Variants in EPHA6 observed in about 807,000 individuals in gnomAD.
The protein encoded by EPHA6 is EPH receptor A6.
EPHA6 carries 50 observed loss-of-function variants against 112.0 expected under a neutral mutation model. The ratio of observed to expected loss-of-function variants is 0.45; its 90% CI spans 0.36 to 0.56. EPHA6 has a LOEUF of 0.56. Among genes scored for constraint, EPHA6 ranks in the 20% least tolerant of loss-of-function variants. The pLI is 0.00. For missense variants in EPHA6, 1,280 were observed against 1,417.4 expected, an observed-to-expected ratio of 0.90 and a Z score of 1.56; for synonymous variants, 529 against 490.7, an observed-to-expected ratio of 1.08 and a Z score of -1.03.
intron 3 of EPHA6, among the ~76,000 whole-genome samples, chr3:96,998,288 C>A (rs2107891069): frequency 6.6e-6 from 1 of 151,870 alleles, no homozygotes; most frequent in African/African-American, 2.4e-5. Context: ...TTAGTTCTAC[C>A]TTTTAAACAA....
In EPHA6 at chr3:97,320,042, CTCTT is replaced by C. The variant is rs368097794; in HGVS notation, c.1606+75761_1606+75764del. On this transcript the variant is annotated intron_variant, in intron 5 of 17. Transcript: ENST00000389672. Reference sequence around the variant, plus strand: ...AGACCTGCTTCGTTCTCTCCTCACCCTCTTTCTTTATCTATTTCTTCTTCTCTGT... The same window carrying C: ...AGACCTGCTTCGTTCTCTCCTCACCCTCTTTATCTATTTCTTCTTCTCTGT... 2.8e-4 allele frequency among the ~76,000 whole-genome samples: 43 copies of C among 152,160 alleles called. 1 individual carries two copies. Among genetic ancestry groups the C allele is most frequent in the South Asian group, 1.5e-3 (7 of 4,826 alleles).
At chr3:97,691,934 G>A (rs2032697785) in intron 14 of EPHA6, among the ~76,000 whole-genome samples, 1 of 152,122 alleles carries the variant, frequency 6.6e-6, no homozygotes, top group African/African-American at 2.4e-5. Flanking sequence ...AACCAGAGAA[G>A]AGCAGTCATG....
At chr3:97,222,520 A>G (rs1258246357) in intron 3 of EPHA6, among the ~76,000 whole-genome samples, 1 of 152,216 alleles carries the variant, frequency 6.6e-6, no homozygotes, top group East Asian at 1.9e-4. Context: ...ATAATTTCAA[A>G]TGGAAACTTG....
intron 14 of EPHA6, among the ~76,000 whole-genome samples, chr3:97,639,714 C>T (rs2093984005): frequency 6.6e-6 from 1 of 152,126 alleles, no homozygotes; most frequent in Non-Finnish European, 1.5e-5. Flanking sequence ...AGTTTTGTTA[C>T]ATCAAATTTA....
At chr3:97,373,571 A>G (rs1368369620) in intron 5 of EPHA6, among the ~76,000 whole-genome samples, 2 of 152,150 alleles carry the variant, frequency 1.3e-5, no homozygotes, top group Non-Finnish European at 2.9e-5. Context: ...TGATGCAAGA[A>G]TGGCTTGTTA....
At chr3:97,735,678 T>C (rs2035222208) in intron 15 of EPHA6, among the ~76,000 whole-genome samples, 2 of 152,008 alleles carry the variant, frequency 1.3e-5, no homozygotes, top group African/African-American at 2.4e-5. Context: ...GTAGGGAACT[T>C]AACCTCCTCT....
chr3:97,258,807 GCATTAGATAA>G (rs904891658), intron 5 of EPHA6, among the ~76,000 whole-genome samples: 1 of 152,072 alleles, frequency 6.6e-6, no homozygotes, highest in African/African-American at 2.4e-5. Context: ...TAAGTATCTT[GCATTAGATAA>G]CATGATGAGC....
At chr3:96,827,936 T>C (rs1317219165) in intron 1 of EPHA6, among the ~76,000 whole-genome samples, 1 of 151,940 alleles carries the variant, frequency 6.6e-6, no homozygotes, top group African/African-American at 2.4e-5. Context: ...GATTCAGGGG[T>C]TGCTTTAGAG....
intron 2 of EPHA6, among the ~76,000 whole-genome samples, chr3:96,959,860 TA>T (rs1335087984): frequency 6.6e-6 from 1 of 151,984 alleles, no homozygotes; most frequent in African/African-American, 2.4e-5. Flanking sequence ...ACTTAATATG[TA>T]ATATTTGAAG....
At chr3:96,825,845 CCTT>C (rs2033624244) in intron 1 of EPHA6, among the ~76,000 whole-genome samples, 1 of 151,524 alleles carries the variant, frequency 6.6e-6, no homozygotes, top group Non-Finnish European at 1.5e-5. Flanking sequence ...ATTTTATGGT[CCTT>C]CTTCCCATAT....
intron 3 of EPHA6, among the ~76,000 whole-genome samples, chr3:97,061,860 A>G (rs2046032047): frequency 6.6e-6 from 1 of 152,204 alleles, no homozygotes; most frequent in Admixed American, 6.5e-5. Context: ...ATACAGACAT[A>G]AAAAGGCATA....
intron 11 of EPHA6, among the ~76,000 whole-genome samples, chr3:97,577,998 G>A (rs1484390418): frequency 6.6e-6 from 1 of 152,090 alleles, no homozygotes; most frequent in East Asian, 1.9e-4. Context: ...CCCAGATAGA[G>A]TAAGAAGAAT....
At chr3:96,998,228 C>G (rs540114153) in intron 3 of EPHA6, among the ~76,000 whole-genome samples, 2 of 152,034 alleles carry the variant, frequency 1.3e-5, no homozygotes, top group South Asian at 2.1e-4. Flanking sequence ...CCATGTTACC[C>G]ATGTCACCCA....
chr3:97,376,134 A>C (rs904400906), intron 5 of EPHA6, among the ~76,000 whole-genome samples: 1 of 152,174 alleles, frequency 6.6e-6, no homozygotes, highest in African/African-American at 2.4e-5. Flanking sequence ...ATTTTCACAA[A>C]TAAAAATAAT....
intron 11 of EPHA6, among the ~76,000 whole-genome samples, chr3:97,547,445 C>G (rs977485324): frequency 2.0e-5 from 3 of 152,102 alleles, no homozygotes; most frequent in African/African-American, 7.2e-5. Flanking sequence ...CAGAGGAGTA[C>G]CCGGCTGTGT....
At chr3:97,366,606 ACT>A (rs999222353) in intron 5 of EPHA6, among the ~76,000 whole-genome samples, 4 of 150,942 alleles carry the variant, frequency 2.7e-5, no homozygotes, top group African/African-American at 9.9e-5. Flanking sequence ...ACACACAATT[ACT>A]GTTTTTTTTT....
rs137936562 is a variant in EPHA6, at chr3:96,991,301, T to G, written c.1114+3308T>G. ...TGTATTGGCTTAAAACCACAATGAT[T>G]TATTATTTTTCAGGGCTCAGCTAGT... On this transcript the variant is annotated intron_variant, in intron 3 of 17. Coordinates refer to ENST00000389672, the MANE Select transcript of EPHA6 (RefSeq NM_001080448.3). 1.2e-3 allele frequency among the ~76,000 whole-genome samples: 182 copies of G among 152,296 alleles called. 1 individual carries two copies. Among genetic ancestry groups the G allele is most frequent in the African/African-American group, 4.2e-3 (173 of 41,574 alleles).
chr3:96,915,801 G>A (rs1253814628), intron 2 of EPHA6, among the ~76,000 whole-genome samples: 1 of 151,944 alleles, frequency 6.6e-6, no homozygotes, highest in Non-Finnish European at 1.5e-5. Context: ...TTAGCACTTT[G>A]TATAAATTCA....
intron 3 of EPHA6, among the ~76,000 whole-genome samples, chr3:97,132,085 G>A (rs1444159378): frequency 2.0e-5 from 3 of 152,046 alleles, no homozygotes; most frequent in Non-Finnish European, 4.4e-5. Flanking sequence ...ACTATTCAAA[G>A]AAGCCAGCCC....
Sources: allele counts gnomAD v4.1 joint callset (sites outside exome capture counted in the v4.1 genomes callset), GRCh38; gene constraint gnomAD v4.1.1; transcripts MANE v1.5; gene names NCBI Gene and HGNC (gene_info 2026-07-23, HGNC 2026-07-21).